CDC123: variants seen among roughly 807,000 people sequenced by gnomAD.
The protein encoded by CDC123 is cell division cycle 123.
Under a neutral mutation model 54.4 loss-of-function variants are expected in CDC123, and 37 were observed. The observed-to-expected ratio is 0.68, with a 90% confidence interval of 0.52 to 0.89. CDC123 has a LOEUF of 0.89. CDC123 is among the 40% of genes least tolerant of loss of function. The pLI, the probability that CDC123 is intolerant of heterozygous loss-of-function variation, is 0.00. For synonymous variants in CDC123, 144 were observed against 136.8 expected (o/e 1.05, Z -0.37); for missense variants, 361 against 412.1 (o/e 0.88, Z 1.07).
At chr10:12,237,544 C>A (rs1835995283) in intron 9 of CDC123, 1 of 169,074 alleles carries the variant, frequency 5.9e-6, no homozygotes, top group Admixed American at 6.4e-5. Flanking sequence ...GGTGATTCTC[C>A]TGCCTCAGCC....
At chr10:12,241,698 T>G (rs1209936267) in intron 10 of CDC123, among the ~76,000 whole-genome samples, 3 of 152,222 alleles carry the variant, frequency 2.0e-5, no homozygotes, top group African/African-American at 7.2e-5. Context: ...TCTTTTTGTT[T>G]GTTCTTTTGT....
At chr10:12,207,116 A>G (rs61145830) in intron 2 of CDC123, among the ~76,000 whole-genome samples, 1 of 152,054 alleles carries the variant, frequency 6.6e-6, no homozygotes, top group Admixed American at 6.5e-5. Flanking sequence ...AATCTTTGAT[A>G]ATTTCCTCTA....
At chr10:12,244,294 CAA>C (rs1467426996) in intron 10 of CDC123, among the ~76,000 whole-genome samples, 1 of 152,228 alleles carries the variant, frequency 6.6e-6, no homozygotes, top group Non-Finnish European at 1.5e-5. Context: ...TAGAAAAAAA[CAA>C]ATTCATTATT....
intron 2 of CDC123, among the ~76,000 whole-genome samples, chr10:12,205,396 G>A: frequency 6.6e-6 from 1 of 152,162 alleles, no homozygotes; most frequent in East Asian, 1.9e-4. Context: ...TTTACGTTTA[G>A]ACTTGGGTCC....
chr10:12,233,144 C>CCATTATCATGTATTTTT (rs1267805636), intron 7 of CDC123, among the ~76,000 whole-genome samples: 1 of 151,984 alleles, frequency 6.6e-6, no homozygotes, highest in African/African-American at 2.4e-5. Flanking sequence ...TTGAAAGACA[C>CCATTATCATGTATTTTT]CATTATCATG....
At chr10:12,237,387 T>C in intron 9 of CDC123, 121 bp downstream of exon 9, 6 of 710,092 alleles carry the variant, frequency 8.4e-6, no homozygotes, top group Non-Finnish European at 6.0e-6. Context: ...AGCATTTTAC[T>C]ATATTATTAT....
At chr10:12,246,407 C>A in intron 11 of CDC123, 130 bp downstream of exon 11, 1 of 987,808 alleles carries the variant, frequency 1.0e-6, no homozygotes, top group Non-Finnish European at 1.5e-6. Flanking sequence ...CACAGCTTTA[C>A]TAATAGCTAA....
In CDC123 at chr10:12,198,782, G is replaced by A; in HGVS notation, c.146+6G>A. On this transcript the variant is annotated splice_donor_region_variant and intron_variant, in intron 2 of 12. Transcript: ENST00000281141. ...ACTCTGGTGGTTTCAGGAAGGTAAA[G>A]TATTTTAGAAAAAAATTTCTTAAAC... is the stretch of plus-strand genomic sequence containing the variant. The A allele has an allele frequency of 6.6e-7, 1 of 1,516,632 alleles. No homozygotes were observed. Among genetic ancestry groups the A allele is most frequent in the East Asian group, 2.3e-5 (1 of 44,224 alleles). 93.9% of individuals were successfully genotyped at this position (1,516,632 alleles called of 1,614,324 possible).
chr10:12,206,492 A>G (rs1381633933), intron 2 of CDC123, among the ~76,000 whole-genome samples: 8 of 152,240 alleles, frequency 5.3e-5, no homozygotes, highest in Admixed American at 5.2e-4. Context: ...GAATCTGGAA[A>G]AGCAAGAATT....
intron 6 of CDC123, among the ~76,000 whole-genome samples, chr10:12,218,099 C>T (rs921332492): frequency 6.6e-6 from 1 of 151,130 alleles, no homozygotes; most frequent in African/African-American, 2.5e-5. Flanking sequence ...TCAAAACAAA[C>T]AAAAACAAAA....
chr10:12,200,933 C>CAAA (rs35686650), intron 2 of CDC123, among the ~76,000 whole-genome samples: 1 of 147,980 alleles, frequency 6.8e-6, no homozygotes, highest in Non-Finnish European at 1.5e-5. Flanking sequence ...AACTTCGTCT[C>CAAA]AAAAAAAAAA....
intron 6 of CDC123, among the ~76,000 whole-genome samples, chr10:12,226,731 A>G (rs1044777282): frequency 1.4e-5 from 2 of 146,954 alleles, no homozygotes; most frequent in African/African-American, 5.1e-5. Context: ...CATTTCCTAG[A>G]CGGGATGGCG....
intron 2 of CDC123, among the ~76,000 whole-genome samples, chr10:12,207,797 C>G (rs989615303): frequency 2.0e-5 from 3 of 152,072 alleles, no homozygotes; most frequent in Non-Finnish European, 4.4e-5. Context: ...CATTTCACCC[C>G]CATATTCATT....
chr10:12,249,730 G>A lies in CDC123; in HGVS notation c.984+12G>A, dbSNP rs756492745. ...ACTTCCTTAAGCTGGTAAAGTCTATGTGCATTTAGTATGCTGGCCATCTTT... is the reference window on the plus strand; with the variant it reads ...ACTTCCTTAAGCTGGTAAAGTCTATATGCATTTAGTATGCTGGCCATCTTT... On this transcript the variant is annotated intron_variant, in intron 12 of 12. Coordinates refer to ENST00000281141, the MANE Select transcript of CDC123 (RefSeq NM_006023.3). 6.3e-7 allele frequency: 1 copy of A among 1,588,534 alleles called. No individual in the cohort carries two copies. Among genetic ancestry groups the A allele is most frequent in the Admixed American group, 1.9e-5 (1 of 53,178 alleles).
chr10:12,196,237 A>C lies in CDC123; in HGVS notation c.-9A>C, dbSNP rs755827727. ...GAGAGGGAAAGGCAGCAGCGGCGGCAGCTGGAGGATGAAGAAGGAGCATGT... is the reference window on the plus strand; with the variant it reads ...GAGAGGGAAAGGCAGCAGCGGCGGCCGCTGGAGGATGAAGAAGGAGCATGT... On this transcript the variant is annotated 5_prime_UTR_variant, in exon 1 of 13. Transcript: ENST00000281141. 13 of 1,613,816 alleles carry C rather than the reference A, an allele frequency of 8.1e-6. No homozygotes were observed. Among genetic ancestry groups the C allele is most frequent in the African/African-American group, 1.3e-5 (1 of 74,908 alleles).
intron 7 of CDC123, among the ~76,000 whole-genome samples, chr10:12,231,753 A>T (rs572653280): frequency 6.6e-6 from 1 of 152,268 alleles, no homozygotes; most frequent in East Asian, 1.9e-4. Context: ...GTATACACAC[A>T]ACACACACGC....
intron 1 of CDC123, among the ~76,000 whole-genome samples, chr10:12,196,931 G>GT (rs926743883): frequency 2.0e-5 from 3 of 152,102 alleles, no homozygotes; most frequent in Non-Finnish European, 2.9e-5. Context: ...TCATCTCTCA[G>GT]TTTTTTTAAA....
At chr10:12,196,532 G>T (rs1564430333) in intron 1 of CDC123, among the ~76,000 whole-genome samples, 2 of 152,184 alleles carry the variant, frequency 1.3e-5, no homozygotes, top group Non-Finnish European at 1.5e-5. Context: ...AGTGAGGGTC[G>T]GAGGCGGGAG....
chr10:12,210,685 T>G (rs1159325167), intron 4 of CDC123, among the ~76,000 whole-genome samples: 8 of 152,174 alleles, frequency 5.3e-5, no homozygotes, highest in African/African-American at 9.7e-5. Context: ...AGTATATTTA[T>G]TTAGTTAGTT....
Sources: allele counts gnomAD v4.1 joint callset (sites outside exome capture counted in the v4.1 genomes callset), GRCh38; gene constraint gnomAD v4.1.1; transcripts MANE v1.5; gene names NCBI Gene and HGNC (gene_info 2026-07-23, HGNC 2026-07-21).